Variants in CFAP263 observed in about 807,000 individuals in gnomAD.
CFAP263 encodes cilia- and flagella-associated protein 263.
At chr16:58,271,012 A>T in the CFAP263 span, among the ~76,000 whole-genome samples, 1 of 152,192 alleles carries the variant, frequency 6.6e-6, no homozygotes, top group East Asian at 1.9e-4. Flanking sequence ...ATACAATTAT[A>T]TATGTATTTT....
At chr16:58,251,079 C>G in the CFAP263 span, among the ~76,000 whole-genome samples, 19 of 152,196 alleles carry the variant, frequency 1.2e-4, no homozygotes, top group African/African-American at 4.6e-4. Context: ...TACTTCTATA[C>G]ATCTACAAAT....
At chr16:58,251,649 C>T in the CFAP263 span, among the ~76,000 whole-genome samples, 38 of 152,306 alleles carry the variant, frequency 2.5e-4, no homozygotes, top group African/African-American at 8.9e-4. Context: ...GCCTCGGCTT[C>T]CCAAAGTGCT....
At chr16:58,253,526 G>C in the CFAP263 span, among the ~76,000 whole-genome samples, 1 of 152,178 alleles carries the variant, frequency 6.6e-6, no homozygotes, top group Non-Finnish European at 1.5e-5. Context: ...TCCTTTGAGG[G>C]CCAAGCAAAC....
At chr16:58,259,809 G>T in the CFAP263 span, 1 of 1,247,836 alleles carries the variant, frequency 8.0e-7, no homozygotes, top group South Asian at 1.3e-5. Context: ...TGGGAAAAAG[G>T]AGAGAAATGG....
At chr16:58,280,275 T>C in the CFAP263 span, 1 of 1,614,018 alleles carries the variant, frequency 6.2e-7, no homozygotes. Context: ...AGATGATTTC[T>C]TCGGGCTGAT....
chr16:58,269,420 GAGGAAAGAA>G, the CFAP263 span, among the ~76,000 whole-genome samples: 306 of 136,986 alleles, frequency 2.2e-3, 2 homozygotes, highest in African/African-American at 7.0e-3. Context: ...GAAAGGAAGG[GAGGAAAGAA>G]AGGAAAGAAA....
the CFAP263 span, chr16:58,250,190 A>C: frequency 1.2e-6 from 1 of 830,356 alleles, no homozygotes; most frequent in Non-Finnish European, 1.9e-6. Flanking sequence ...GGACTTGGGG[A>C]CCAGCATGGA....
the CFAP263 span, chr16:58,278,736 T>C: frequency 9.0e-7 from 1 of 1,115,000 alleles, no homozygotes; most frequent in Non-Finnish European, 1.3e-6. Context: ...TGTTTGGATA[T>C]GTAATTTCTG....
the CFAP263 span, among the ~76,000 whole-genome samples, chr16:58,269,491 C>A: frequency 2.6e-5 from 4 of 152,178 alleles, no homozygotes; most frequent in Non-Finnish European, 5.9e-5. Context: ...TCCCCACACT[C>A]CACTCCCACC....
At chr16:58,269,378 G>GAAGAAAGAAAGGAAAGA in the CFAP263 span, among the ~76,000 whole-genome samples, 1 of 149,228 alleles carries the variant, frequency 6.7e-6, no homozygotes, top group Non-Finnish European at 1.5e-5. Context: ...TTATTTATAA[G>GAAGAAAGAAAGGAAAGA]AAGAAAGGAA....
chr16:58,280,841 C>G, the CFAP263 span: 1 of 1,330,708 alleles, frequency 7.5e-7, no homozygotes, highest in Non-Finnish European at 1.0e-6. Flanking sequence ...ACTGTTTGTT[C>G]TAGAAATGTT....
At chr16:58,263,839 C>T in the CFAP263 span, among the ~76,000 whole-genome samples, 2 of 152,076 alleles carry the variant, frequency 1.3e-5, no homozygotes, top group East Asian at 1.9e-4. Context: ...ATTATCTGGG[C>T]GTGGTGGTGC....
chr16:58,278,598 G>A, the CFAP263 span: 4 of 1,614,102 alleles, frequency 2.5e-6, no homozygotes, highest in South Asian at 2.2e-5. Flanking sequence ...ACCTGGAGAA[G>A]AGCATCAGGA....
chr16:58,254,679 A>C, the CFAP263 span, among the ~76,000 whole-genome samples: 33 of 150,536 alleles, frequency 2.2e-4, no homozygotes, highest in African/African-American at 8.1e-4. Flanking sequence ...ATCTCAGCTC[A>C]CTGCAAGCTC....
At chr16:58,280,303 G>A in the CFAP263 span, 4 of 1,614,056 alleles carry the variant, frequency 2.5e-6, no homozygotes, top group East Asian at 2.2e-5. Flanking sequence ...GTTCTGACCT[G>A]CAAAAATCCT....
the CFAP263 span, among the ~76,000 whole-genome samples, chr16:58,273,050 T>A: frequency 6.6e-6 from 1 of 152,226 alleles, no homozygotes; most frequent in East Asian, 1.9e-4. Context: ...AATCAGCTGT[T>A]AATCTTGTTG....
chr16:58,278,595 G>A, the CFAP263 span: 2 of 1,614,248 alleles, frequency 1.2e-6, no homozygotes, highest in South Asian at 1.1e-5. Flanking sequence ...CGGACCTGGA[G>A]AAGAGCATCA....
chr16:58,249,986 G>A, the CFAP263 span: 52 of 1,468,618 alleles, frequency 3.5e-5, no homozygotes, highest in Non-Finnish European at 4.9e-5. Context: ...TGGGCACACG[G>A]CATTGGCAGG....
At chr16:58,280,070 A>G in the CFAP263 span, 3 of 730,804 alleles carry the variant, frequency 4.1e-6, no homozygotes, top group East Asian at 8.1e-5. Context: ...TGGGAGAGGG[A>G]TAGAGGAGGG....
Sources: gnomAD v4.1 joint callset for allele counts (sites outside exome capture counted in the v4.1 genomes callset) on GRCh38, gnomAD v4.1.1 for gene constraint, MANE v1.5 for transcripts, NCBI Gene and HGNC (gene_info 2026-07-23, HGNC 2026-07-21) for gene names.